Variants in ATP11A observed in about 807,000 individuals in gnomAD.
ATP11A encodes phospholipid-transporting ATPase IH.
In ATP11A, 81 loss-of-function variants were observed where a neutral mutation model predicts 154.4. The observed-to-expected ratio is 0.52, with a 90% CI of 0.44 to 0.63. The LOEUF (loss-of-function observed/expected upper bound fraction) is 0.63, where lower values mean the gene tolerates loss of function less well. ATP11A is among the 30% of genes least tolerant of loss of function. ATP11A has a pLI of 0.00. For missense variants in ATP11A, 1,316 were observed against 1,474.3 expected, an observed-to-expected ratio of 0.89 and a Z score of 1.76; for synonymous variants, 623 against 585.9, an observed-to-expected ratio of 1.06 and a Z score of -0.91.
intron 1 of ATP11A, among the ~76,000 whole-genome samples, chr13:112,729,825 C>T (rs1372618837): frequency 1.3e-5 from 2 of 152,216 alleles, no homozygotes; most frequent in Non-Finnish European, 1.5e-5. Context: ...AGGAAAAAAA[C>T]GCGCAAACTG....
chr13:112,716,329 C>G (rs1178289851), intron 1 of ATP11A, among the ~76,000 whole-genome samples: 2 of 152,214 alleles, frequency 1.3e-5, no homozygotes, highest in Non-Finnish European at 2.9e-5. Flanking sequence ...CTGTGGGAAC[C>G]CGTGGGAATG....
At position 112,854,411 on chromosome 13, in the gene ATP11A, G is replaced by A. The variant is rs149989045; in HGVS notation, c.2124G>A (p.Thr708=). 5.9e-4 allele frequency: 953 copies of A among 1,613,468 alleles called. 7 individuals carry two copies. The East Asian group carries it at 0.015, about 25-fold the overall frequency. Residue 708 remains threonine (T), a synonymous_variant, in exon 19 of 30, where the codon ACG becomes ACA. Coordinates refer to ENST00000375645, the MANE Select transcript of ATP11A (RefSeq NM_015205.3). ...CYACKLFRRN[T]QLLELTTKRI... The stretch of plus-strand genomic sequence containing the variant: ...CCTGCAAGCTCTTCCGCAGGAACAC[G>A]CAGCTGCTGGAGCTGACCACCAAGA...
intron 27 of ATP11A, among the ~76,000 whole-genome samples, chr13:112,874,106 C>G (rs2080637708): frequency 6.6e-6 from 1 of 152,260 alleles, no homozygotes; most frequent in Non-Finnish European, 1.5e-5. Flanking sequence ...CAGGTCCTGT[C>G]TCACTCCATC....
chr13:112,877,209 G>A (rs2080755217), intron 28 of ATP11A, among the ~76,000 whole-genome samples: 1 of 152,078 alleles, frequency 6.6e-6, no homozygotes, highest in Admixed American at 6.5e-5. Flanking sequence ...TGTGCAGGAG[G>A]GGAGACAGTG....
chr13:112,719,148 C>T (rs990549077), intron 1 of ATP11A, among the ~76,000 whole-genome samples: 2 of 151,654 alleles, frequency 1.3e-5, no homozygotes, highest in Non-Finnish European at 2.9e-5. Context: ...CTCAGGATGC[C>T]CTGTGACGCG....
At chr13:112,834,095 G>A (rs1014468218) in intron 14 of ATP11A, among the ~76,000 whole-genome samples, 2 of 152,248 alleles carry the variant, frequency 1.3e-5, no homozygotes, top group Non-Finnish European at 2.9e-5. Context: ...GCAGGAGGAG[G>A]CATTGTATAG....
intron 25 of ATP11A, among the ~76,000 whole-genome samples, chr13:112,864,558 C>T (rs541912817): frequency 1.4e-5 from 1 of 69,640 alleles, no homozygotes; most frequent in Non-Finnish European, 2.7e-5. Flanking sequence ...TAATTCAGTG[C>T]GGCCCATGCA....
At chr13:112,818,801 ACT>A (rs2078716415) in intron 6 of ATP11A, among the ~76,000 whole-genome samples, 1 of 152,154 alleles carries the variant, frequency 6.6e-6, no homozygotes, top group Non-Finnish European at 1.5e-5. Flanking sequence ...TCTGGGTAAA[ACT>A]CACGTTGAGA....
rs35952236 is a variant in ATP11A at position 112,751,730 on chromosome 13, TCC to T, written c.40-33396_40-33395del. On this transcript the variant is annotated intron_variant, in intron 1 of 29. Coordinates refer to ENST00000375645, the MANE Select transcript of ATP11A (RefSeq NM_015205.3). ...TGACTGATATGCATACTGCAGATAA[TCC>T]CCCCCCCCTTTTTTTGAGACAGGGT... Among the ~76,000 whole-genome samples the T allele has an allele frequency of 6.1e-4, 87 of 143,580 alleles. No homozygotes were observed. The East Asian group carries it at 0.017, about 28-fold the overall frequency. The allele number at this position is 143,580 out of a possible 152,430, so 94.2% of individuals were successfully genotyped here. A position where few individuals can be genotyped will look rare whatever the true frequency, so the allele number is the denominator to read the frequency against.
intron 1 of ATP11A, among the ~76,000 whole-genome samples, chr13:112,749,435 A>G (rs4907753): frequency 0.014 from 2,118 of 152,348 alleles, 45 homozygotes; most frequent in African/African-American, 0.04. Flanking sequence ...TATTCCCAGC[A>G]TTGGTCAAAG....
At chr13:112,868,414 G>T (rs1279734070) in intron 25 of ATP11A, among the ~76,000 whole-genome samples, 1 of 152,212 alleles carries the variant, frequency 6.6e-6, no homozygotes, top group Non-Finnish European at 1.5e-5. Flanking sequence ...CATTCTCAAA[G>T]GAGGGAGGAA....
intron 1 of ATP11A, among the ~76,000 whole-genome samples, chr13:112,702,513 G>A (rs1032126970): frequency 5.9e-5 from 9 of 152,190 alleles, no homozygotes; most frequent in South Asian, 2.1e-4. Flanking sequence ...GCCAGGCCTC[G>A]GGCCCGATGT....
intron 2 of ATP11A, among the ~76,000 whole-genome samples, chr13:112,801,767 T>C (rs1034032560): frequency 6.6e-5 from 10 of 152,178 alleles, no homozygotes; most frequent in African/African-American, 2.4e-4. Flanking sequence ...GACAAAACTG[T>C]AACGAAATCA....
intron 1 of ATP11A, among the ~76,000 whole-genome samples, chr13:112,692,009 C>T (rs546102828): frequency 6.6e-6 from 1 of 151,990 alleles, no homozygotes; most frequent in Non-Finnish European, 1.5e-5. Context: ...TGCTCGAGCC[C>T]CCAGTTCAAA....
chr13:112,768,929 CTT>C lies in ATP11A; in HGVS notation c.40-16205_40-16204del, dbSNP rs562400405. On this transcript the variant is annotated intron_variant, in intron 1 of 29. Transcript: ENST00000375645. ...CCTGTTTTCCGATTCCTGGTGCTCT[CTT>C]GTCTTCACCTGCAGTTCACTTGCGG... 4.0e-3 allele frequency among the ~76,000 whole-genome samples: 607 copies of C among 152,328 alleles called. 3 individuals are homozygous for C. The highest frequency in any genetic ancestry group is 0.013 in the African/African-American group (557 of 41,574).
intron 2 of ATP11A, among the ~76,000 whole-genome samples, chr13:112,793,237 C>G (rs2077907238): frequency 6.6e-6 from 1 of 152,288 alleles, no homozygotes; most frequent in Non-Finnish European, 1.5e-5. Flanking sequence ...GAGTCTCTCT[C>G]TGTGCCCAGG....
chr13:112,840,761 C>T (rs542314355), intron 16 of ATP11A, among the ~76,000 whole-genome samples: 4 of 152,096 alleles, frequency 2.6e-5, no homozygotes, highest in South Asian at 2.1e-4. Context: ...TCCTGGCATC[C>T]AGGAAGGAAG....
intron 1 of ATP11A, among the ~76,000 whole-genome samples, chr13:112,758,686 G>A (rs570466324): frequency 1.5e-4 from 23 of 152,340 alleles, no homozygotes; most frequent in Non-Finnish European, 2.8e-4. Flanking sequence ...GCCTCCCAAA[G>A]TGCTGGGATT....
At chr13:112,726,851 A>G (rs1260050717) in intron 1 of ATP11A, among the ~76,000 whole-genome samples, 1 of 152,222 alleles carries the variant, frequency 6.6e-6, no homozygotes, top group Non-Finnish European at 1.5e-5. Context: ...ACCTAATGCT[A>G]CTGTAGGTCC....
Sources: gnomAD v4.1 joint callset for allele counts (sites outside exome capture counted in the v4.1 genomes callset) on GRCh38, gnomAD v4.1.1 for gene constraint, MANE v1.5 for transcripts, NCBI Gene and HGNC (gene_info 2026-07-23, HGNC 2026-07-21) for gene names.